PTPRN2: variants seen among roughly 807,000 people sequenced by gnomAD.
PTPRN2 encodes the protein protein tyrosine phosphatase receptor type N2, also known as receptor-type tyrosine-protein phosphatase N2.
In PTPRN2, 74 loss-of-function variants were observed where a neutral mutation model predicts 118.8. The observed-to-expected ratio is 0.62, with a 90% CI of 0.52 to 0.76. The LOEUF is 0.76. Ranked by LOEUF, PTPRN2 falls within the 30% of genes least tolerant of loss-of-function variation. PTPRN2 has a pLI of 0.00. For synonymous variants in PTPRN2, 641 were observed against 608.0 expected, an observed-to-expected ratio of 1.05 and a Z score of -0.80; for missense variants, 1,481 against 1,394.4, an observed-to-expected ratio of 1.06 and a Z score of -0.99.
chr7:157,873,695 C>T (rs1002628357), intron 12 of PTPRN2, among the ~76,000 whole-genome samples: 3 of 150,824 alleles, frequency 2.0e-5, no homozygotes, highest in Non-Finnish European at 4.4e-5. Flanking sequence ...TCGTGGGGGC[C>T]GGGAGGAGAA....
intron 10 of PTPRN2, among the ~76,000 whole-genome samples, chr7:158,096,300 C>T (rs1468508776): frequency 2.0e-5 from 3 of 152,150 alleles, no homozygotes; most frequent in Non-Finnish European, 2.9e-5. Context: ...CTCTAAGAGC[C>T]GGGTCTCAGC....
At chr7:158,193,351 A>G (rs912064368) in intron 4 of PTPRN2, among the ~76,000 whole-genome samples, 6 of 152,212 alleles carry the variant, frequency 3.9e-5, no homozygotes, top group African/African-American at 1.4e-4. Context: ...AGAGTCCCTG[A>G]GAAAGCAGCC....
intron 2 of PTPRN2, among the ~76,000 whole-genome samples, chr7:158,425,976 C>A (rs1430568511): frequency 9.5e-6 from 1 of 104,714 alleles, no homozygotes; most frequent in Non-Finnish European, 1.9e-5. Context: ...CCGAGACCAG[C>A]CTAGCTGGGG....
At chr7:157,804,554 C>A (rs1326576872) in intron 12 of PTPRN2, among the ~76,000 whole-genome samples, 2 of 148,914 alleles carry the variant, frequency 1.3e-5, no homozygotes, top group Non-Finnish European at 2.9e-5. Context: ...TCTGTAACTG[C>A]AGCTGCTCCA....
At chr7:158,083,088 G>T (rs574572905) in intron 10 of PTPRN2, among the ~76,000 whole-genome samples, 1 of 152,278 alleles carries the variant, frequency 6.6e-6, no homozygotes, top group South Asian at 2.1e-4. Flanking sequence ...GAGAGTGGCT[G>T]ATTCTCCCTG....
At chr7:158,290,804 T>C (rs1800073672) in intron 3 of PTPRN2, among the ~76,000 whole-genome samples, 2 of 152,206 alleles carry the variant, frequency 1.3e-5, no homozygotes, top group African/African-American at 4.8e-5. Context: ...CCTGGTTTCC[T>C]TAGCACTTGT....
In PTPRN2 at chr7:157,560,860, A is replaced by C. The variant is rs972942699; in HGVS notation, c.2902+8042T>G. On this transcript the variant is annotated intron_variant, in intron 21 of 22. Coordinates refer to ENST00000389418, the MANE Select transcript of PTPRN2 (RefSeq NM_002847.5). This position sits in a 1 kb window ranked among gnomAD's most constrained non-coding sequence, Gnocchi z 6.7. ...GTTTTCATGTTTCAGCCAAACATAA[A>C]AGCGAGACGTCTCCTGCTCAGCTTT... Among the ~76,000 whole-genome samples the C allele has an allele frequency of 6.6e-6, 1 of 152,108 alleles. No individual in the cohort carries two copies.
intron 1 of PTPRN2, among the ~76,000 whole-genome samples, chr7:158,523,493 CG>C (rs1824411406): frequency 1.2e-5 from 1 of 84,474 alleles, no homozygotes; most frequent in South Asian, 5.5e-4. Context: ...GGAGTGGAGT[CG>C]TCTGCCCTGG....
chr7:158,472,752 A>G (rs1819957981), intron 2 of PTPRN2, among the ~76,000 whole-genome samples: 1 of 152,156 alleles, frequency 6.6e-6, no homozygotes, highest in Non-Finnish European at 1.5e-5. Context: ...GAATGATTAG[A>G]CGGCGCCTCT....
intron 2 of PTPRN2, among the ~76,000 whole-genome samples, chr7:158,465,060 A>C (rs1701458203): frequency 6.6e-6 from 1 of 152,250 alleles, no homozygotes; most frequent in South Asian, 2.1e-4. Context: ...ACTGGAGCTA[A>C]GCTGCTGAGA....
At chr7:157,667,943 CAG>C (rs1662371402) in intron 13 of PTPRN2, among the ~76,000 whole-genome samples, 1 of 152,262 alleles carries the variant, frequency 6.6e-6, no homozygotes, top group African/African-American at 2.4e-5. Flanking sequence ...CTGCCCTGGG[CAG>C]AGTCACGTGG....
chr7:157,604,142 G>A (rs1168377548), intron 15 of PTPRN2, 67 bp from the exon 16 acceptor site: 1 of 1,450,226 alleles, frequency 6.9e-7, no homozygotes, highest in African/African-American at 1.4e-5. Flanking sequence ...CCCCCACTTG[G>A]CCTCCAGGGC....
chr7:158,209,575 G>T (rs1395210605), intron 3 of PTPRN2, among the ~76,000 whole-genome samples: 1 of 152,178 alleles, frequency 6.6e-6, no homozygotes, highest in East Asian at 1.9e-4. Context: ...TAAAGCAAGA[G>T]ACAGACCCCA....
At chr7:158,137,834 G>C (rs1056175635) in intron 7 of PTPRN2, among the ~76,000 whole-genome samples, 69 of 152,200 alleles carry the variant, frequency 4.5e-4, no homozygotes, top group African/African-American at 1.6e-3. Flanking sequence ...CTGACCCATG[G>C]GGCCTCCACA....
At chr7:157,650,672 C>T (rs951293865) in intron 14 of PTPRN2, among the ~76,000 whole-genome samples, 1 of 152,200 alleles carries the variant, frequency 6.6e-6, no homozygotes, top group Non-Finnish European at 1.5e-5. Flanking sequence ...ATGGAATCTT[C>T]CAGAAATACA....
chr7:158,185,757 G>A (rs1226330615), intron 5 of PTPRN2, among the ~76,000 whole-genome samples: 1 of 152,176 alleles, frequency 6.6e-6, no homozygotes, highest in South Asian at 2.1e-4. Flanking sequence ...GGGCTCCAGT[G>A]AGACTCGAGA....
At chr7:158,118,123 T>C (rs1194411152) in intron 9 of PTPRN2, among the ~76,000 whole-genome samples, 2 of 152,260 alleles carry the variant, frequency 1.3e-5, no homozygotes, top group East Asian at 1.9e-4. Context: ...TTAAAACTAG[T>C]ATTATAACTT....
chr7:158,432,938 G>A (rs1816326859), intron 2 of PTPRN2, among the ~76,000 whole-genome samples: 1 of 152,194 alleles, frequency 6.6e-6, no homozygotes, highest in Non-Finnish European at 1.5e-5. Flanking sequence ...CCCAGACATA[G>A]ATTCATAACC....
At position 158,507,352 on chromosome 7, in the gene PTPRN2, CAT is replaced by C. The variant is rs544115036; in HGVS notation, c.113-17569_113-17568del. Among the ~76,000 whole-genome samples, 377 of 151,706 alleles carry C rather than the reference CAT, an allele frequency of 2.5e-3. 1 individual carries two copies. The highest frequency in any genetic ancestry group is 3.0e-3 in the Non-Finnish European group (202 of 67,888). On this transcript the variant is annotated intron_variant, in intron 1 of 22. Transcript: ENST00000389418. ...CCTGCGCTGGGCAGGAAATCACACA[CAT>C]GGAGGTCAGTGAGGACCATCCAGGG...
Sources: allele counts gnomAD v4.1 joint callset (sites outside exome capture counted in the v4.1 genomes callset), GRCh38; gene constraint gnomAD v4.1.1; non-coding constraint Gnocchi (gnomAD v3.1); transcripts MANE v1.5; gene names NCBI Gene and HGNC (gene_info 2026-07-23, HGNC 2026-07-21).